DLST: variants seen among roughly 807,000 people sequenced by gnomAD.
DLST encodes dihydrolipoyllysine-residue succinyltransferase component of 2-oxoglutarate dehydrogenase complex, mitochondrial.
In DLST, 17 loss-of-function variants were observed where a neutral mutation model predicts 53.1. That is an observed-to-expected ratio of 0.32 (90% CI 0.22 to 0.48). DLST has a LOEUF of 0.48. Among genes scored for constraint, DLST ranks in the 20% least tolerant of loss-of-function variants. The pLI is 0.99. For missense variants in DLST, 512 were observed against 583.9 expected (o/e 0.88, Z 1.27); for synonymous variants, 206 against 204.8 (o/e 1.01, Z -0.05).
intron 13 of DLST, among the ~76,000 whole-genome samples, chr14:74,900,700 C>G (rs1254875128): frequency 6.6e-6 from 1 of 152,220 alleles, no homozygotes; most frequent in Non-Finnish European, 1.5e-5. Flanking sequence ...TGCCATCGAT[C>G]TCGATACAAG....
In DLST at chr14:74,891,062, G is replaced by T. The variant is rs145434180; in HGVS notation, c.337G>T (p.Val113Leu). ...ATCTGTCTTCCTCTTCCAGACATCT[G>T]TGCAGGTTCCATCACCAGCAAATGG... ...VCEIETDKTS[V>L]QVPSPANGVI... The change falls in exon 7 of 15, where the codon GTG (valine) becomes TTG (leucine). Residue 113 changes from valine (V) to leucine (L), a missense_variant. This residue lies in a region of DLST where 35 missense variants were observed against 70.5 expected (regional missense o/e 0.50). Coordinates refer to ENST00000334220, the MANE Select transcript of DLST (RefSeq NM_001933.5). 4 of 1,612,594 alleles carry T rather than the reference G, an allele frequency of 2.5e-6. No homozygotes were observed. Among genetic ancestry groups the T allele is most frequent in the Non-Finnish European group, 3.4e-6 (4 of 1,179,610 alleles).
intron 14 of DLST, 31 bp downstream of exon 14, chr14:74,901,264 G>C: frequency 1.9e-6 from 3 of 1,583,312 alleles, no homozygotes; most frequent in Non-Finnish European, 2.6e-6. Context: ...GGTCCTAGTG[G>C]CTAGGTCTCG....
chr14:74,891,131 G>A lies in DLST; in HGVS notation c.406G>A (p.Gly136Arg). ...LLVPDGGKVE[G>R]GTPLFTLRKT... ...GGTACCTGATGGGGGAAAAGTCGAA[G>A]GAGGCACTCCACTTTTCACACTCAG... The change falls in exon 7 of 15, where the codon GGA becomes AGA. Residue 136 changes from glycine (G) to arginine (R), a missense_variant. Coordinates refer to ENST00000334220, the MANE Select transcript of DLST (RefSeq NM_001933.5). 1 of 1,614,134 alleles carries A rather than the reference G, an allele frequency of 6.2e-7. No individual in the cohort carries two copies. Among genetic ancestry groups the A allele is most frequent in the Non-Finnish European group, 8.5e-7 (1 of 1,179,998 alleles).
intron 13 of DLST, 39 bp from the exon 14 acceptor site, chr14:74,901,027 G>A (rs1884228688): frequency 1.9e-6 from 3 of 1,604,584 alleles, no homozygotes; most frequent in Non-Finnish European, 2.6e-6. Context: ...GAAGGAAACT[G>A]GGTTGGCTTG....
At chr14:74,883,145 A>G (rs1339443987) in intron 2 of DLST, among the ~76,000 whole-genome samples, 1 of 151,886 alleles carries the variant, frequency 6.6e-6, no homozygotes, top group African/African-American at 2.4e-5. Context: ...AATACAAAAA[A>G]TTAGCCGGGC....
At chr14:74,889,653 C>CTGAGCCACTGCG in intron 5 of DLST, 2 of 556,838 alleles carry the variant, frequency 3.6e-6, no homozygotes, top group Non-Finnish European at 6.3e-6. Flanking sequence ...GATTACAGGC[C>CTGAGCCACTGCG]TGAGCCACTG....
intron 7 of DLST, chr14:74,891,700 T>TA: frequency 1.0e-6 from 1 of 984,462 alleles, no homozygotes; most frequent in Non-Finnish European, 1.2e-6. Context: ...TTAATAACTT[T>TA]ATCTGACTCT....
intron 7 of DLST, chr14:74,891,631 G>A: frequency 1.0e-6 from 1 of 985,680 alleles, no homozygotes; most frequent in Non-Finnish European, 1.2e-6. Flanking sequence ...GGAAGGGTTG[G>A]TATTTCTTTT....
intron 10 of DLST, among the ~76,000 whole-genome samples, 193 bp from the exon 11 acceptor site, chr14:74,898,176 A>AT (rs1260295780): frequency 3.3e-5 from 5 of 152,168 alleles, no homozygotes; most frequent in Non-Finnish European, 7.4e-5. Flanking sequence ...ATTGGGCCTG[A>AT]TTCCTGTAGA....
At chr14:74,884,459 G>A (rs1371718946) in intron 2 of DLST, among the ~76,000 whole-genome samples, 2 of 152,184 alleles carry the variant, frequency 1.3e-5, no homozygotes, top group African/African-American at 4.8e-5. Flanking sequence ...TTCACCTTGG[G>A]CTAGTCGCTT....
chr14:74,889,531 G>A, intron 5 of DLST, 182 bp downstream of exon 5: 1 of 586,794 alleles, frequency 1.7e-6, no homozygotes, highest in Non-Finnish European at 2.9e-6. Context: ...ACCATGCCTG[G>A]CTAAGTTTTT....
intron 13 of DLST, among the ~76,000 whole-genome samples, chr14:74,900,769 G>C (rs1281536634): frequency 6.6e-6 from 1 of 152,196 alleles, no homozygotes; most frequent in African/African-American, 2.4e-5. Flanking sequence ...GTGTTGCCCA[G>C]GCTGGAGTAG....
chr14:74,885,654 A>G lies in DLST; in HGVS notation c.146+20A>G. On this transcript the variant is annotated intron_variant, in intron 3 of 14. Transcript: ENST00000334220. ...GGTTGTGTAAGTATCACTGGGGAGTACAGATATGTGGCCACGGGTTATTTA... is the reference window on the plus strand; with the variant it reads ...GGTTGTGTAAGTATCACTGGGGAGTGCAGATATGTGGCCACGGGTTATTTA... 1 of 1,599,358 alleles carries G rather than the reference A, an allele frequency of 6.3e-7. No individual in the cohort carries two copies. The highest frequency in any genetic ancestry group is 8.5e-7 in the Non-Finnish European group (1 of 1,174,358).
chr14:74,900,934 C>A, intron 13 of DLST, 132 bp from the exon 14 acceptor site: 1 of 902,404 alleles, frequency 1.1e-6, no homozygotes. Context: ...CTATGTTGCC[C>A]AGGTTGGCCT....
At position 74,902,831 on chromosome 14, in the gene DLST, G is replaced by A. The variant is rs1310117266; in HGVS notation, c.*501G>A. 6.5e-6 allele frequency: 1 copy of A among 152,826 alleles called. No individual in the cohort carries two copies. Among genetic ancestry groups the A allele is most frequent in the Non-Finnish European group, 1.5e-5 (1 of 68,148 alleles). The allele number at this position is 152,826 out of a possible 1,614,324, so 9.5% of individuals were successfully genotyped here. A position where few individuals can be genotyped will look rare whatever the true frequency, so the allele number is the denominator to read the frequency against. On this transcript the variant is annotated 3_prime_UTR_variant, in exon 15 of 15. Coordinates refer to ENST00000334220, the MANE Select transcript of DLST (RefSeq NM_001933.5). ...TGTGGAGGGATTGAACACAGGCAAA[G>A]AGGTGCTGCTTTGCTTCTTCAATGG...
In DLST at chr14:74,902,534, A is replaced by T. The variant is rs1047666945; in HGVS notation, c.*204A>T. On this transcript the variant is annotated 3_prime_UTR_variant, in exon 15 of 15. Transcript: ENST00000334220. Reference sequence around the variant, plus strand: ...GGCTCTCCCTCTCTGCACCTGTCTCATAGCCTCGAATATCTTAATTCCTTA... The same window carrying T: ...GGCTCTCCCTCTCTGCACCTGTCTCTTAGCCTCGAATATCTTAATTCCTTA... 2.1e-6 allele frequency: 1 copy of T among 477,626 alleles called. No individual in the cohort carries two copies. Among genetic ancestry groups the T allele is most frequent in the African/African-American group, 1.9e-5 (1 of 51,554 alleles). The allele number at this position is 477,626 out of a possible 1,614,324, so 29.6% of individuals were successfully genotyped here.
At chr14:74,884,587 C>T (rs1406786800) in intron 2 of DLST, among the ~76,000 whole-genome samples, 1 of 152,166 alleles carries the variant, frequency 6.6e-6, no homozygotes, top group African/African-American at 2.4e-5. Context: ...TTTTTATAAA[C>T]CCTAAAGCAC....
At chr14:74,882,095 G>C in intron 1 of DLST, 79 bp downstream of exon 1, 1 of 1,302,078 alleles carries the variant, frequency 7.7e-7, no homozygotes, top group Non-Finnish European at 9.9e-7. Flanking sequence ...AGGCAGGGGC[G>C]CGGCGCGCCG....
At chr14:74,885,894 C>T (rs959156872) in intron 3 of DLST, 2 of 396,584 alleles carry the variant, frequency 5.0e-6, no homozygotes, top group Admixed American at 8.4e-5. Context: ...AAGTTGGAAT[C>T]CTCTTTTTAT....
Sources: gnomAD v4.1 joint callset for allele counts (sites outside exome capture counted in the v4.1 genomes callset) on GRCh38, gnomAD v4.1.1 for gene constraint, gnomAD v4.1.1 regional missense constraint, MANE v1.5 for transcripts, NCBI Gene and HGNC (gene_info 2026-07-23, HGNC 2026-07-21) for gene names.